ITPR2: variants seen among roughly 807,000 people sequenced by gnomAD.
ITPR2 encodes inositol 1,4,5-trisphosphate-gated calcium channel ITPR2.
ITPR2 carries 207 observed loss-of-function variants against 317.1 expected under a neutral mutation model. That is an observed-to-expected ratio of 0.65 (90% confidence interval 0.58 to 0.73). The LOEUF (loss-of-function observed/expected upper bound fraction) is 0.73. ITPR2 is among the 30% of genes least tolerant of loss of function. The pLI, the probability that ITPR2 is intolerant of heterozygous loss-of-function variation, is 0.00. For missense variants in ITPR2, 2,613 were observed against 3,284.0 expected (o/e 0.80, Z 4.99); for synonymous variants, 1,156 against 1,149.1 (o/e 1.01, Z -0.12).
chr12:26,377,241 C>A (rs1269573245), intron 55 of ITPR2, among the ~76,000 whole-genome samples: 2 of 152,172 alleles, frequency 1.3e-5, no homozygotes, highest in African/African-American at 4.8e-5. Context: ...TAGGCTCTGG[C>A]AGACTCCACT....
chr12:26,441,733 A>G (rs78740142), intron 46 of ITPR2, among the ~76,000 whole-genome samples: 519 of 152,130 alleles, frequency 3.4e-3, no homozygotes, highest in South Asian at 6.0e-3. Flanking sequence ...TGAACAAATA[A>G]TCTTCTTCTA....
At chr12:26,362,130 C>G (rs971281423) in intron 55 of ITPR2, among the ~76,000 whole-genome samples, 1 of 152,110 alleles carries the variant, frequency 6.6e-6, no homozygotes, top group South Asian at 2.1e-4. Flanking sequence ...TGCTGTATTC[C>G]CAGGCTTCAA....
intron 50 of ITPR2, 54 bp from the exon 51 acceptor site, chr12:26,415,552 G>A: frequency 1.6e-6 from 2 of 1,226,902 alleles, no homozygotes; most frequent in Non-Finnish European, 2.2e-6. Flanking sequence ...AGGAAAAGGT[G>A]AACAAACAAA....
chr12:26,718,277 C>A (rs979033774), intron 5 of ITPR2, among the ~76,000 whole-genome samples: 3 of 151,908 alleles, frequency 2.0e-5, no homozygotes, highest in Non-Finnish European at 4.4e-5. Context: ...CTTCCAATTT[C>A]TTAAAGAACA....
At chr12:26,762,850 G>T (rs1482128242) in intron 2 of ITPR2, among the ~76,000 whole-genome samples, 1 of 151,962 alleles carries the variant, frequency 6.6e-6, no homozygotes, top group African/African-American at 2.4e-5. Context: ...TACAAAATTA[G>T]AAGTTCAACA....
chr12:26,460,417 G>T (rs1941988940), intron 45 of ITPR2, among the ~76,000 whole-genome samples: 1 of 152,190 alleles, frequency 6.6e-6, no homozygotes, highest in African/African-American at 2.4e-5. Context: ...ATGTGTATAA[G>T]TGGCAGAGGT....
At chr12:26,384,798 C>T (rs910396036) in intron 55 of ITPR2, among the ~76,000 whole-genome samples, 1 of 152,298 alleles carries the variant, frequency 6.6e-6, no homozygotes, top group Admixed American at 6.5e-5. Flanking sequence ...TAGATATACT[C>T]CTGTTCCTGG....
chr12:26,772,868 T>C (rs1317977197), intron 2 of ITPR2, among the ~76,000 whole-genome samples: 1 of 152,062 alleles, frequency 6.6e-6, no homozygotes, highest in Non-Finnish European at 1.5e-5. Context: ...AAGCCCCGCA[T>C]GCATTAGGTA....
chr12:26,608,512 C>G (rs546575022), intron 26 of ITPR2, among the ~76,000 whole-genome samples: 1 of 131,226 alleles, frequency 7.6e-6, no homozygotes, highest in Non-Finnish European at 1.8e-5. Context: ...AGTGAGGAAC[C>G]CCTCTGCTTG....
chr12:26,810,743 T>C (rs1950721738), intron 1 of ITPR2, among the ~76,000 whole-genome samples: 1 of 152,260 alleles, frequency 6.6e-6, no homozygotes, highest in South Asian at 2.1e-4. Flanking sequence ...GACACATAAC[T>C]GTGTTTAGTA....
intron 4 of ITPR2, 67 bp downstream of exon 4, chr12:26,724,589 G>T: frequency 1.1e-6 from 1 of 948,256 alleles, no homozygotes; most frequent in African/African-American, 1.6e-5. Flanking sequence ...ACGCAGTTTG[G>T]CTTTCCTGCC....
intron 37 of ITPR2, among the ~76,000 whole-genome samples, chr12:26,539,769 C>T (rs1271030101): frequency 6.6e-6 from 1 of 152,192 alleles, no homozygotes; most frequent in Non-Finnish European, 1.5e-5. Context: ...TCTCTGCTGC[C>T]CACCCAAGTT....
intron 40 of ITPR2, chr12:26,486,681 G>GATTT (rs984887996): frequency 1.1e-5 from 6 of 522,670 alleles, no homozygotes; most frequent in Non-Finnish European, 2.2e-5. Context: ...ATGTCTTTAT[G>GATTT]ATTTGTATTT....
At chr12:26,550,209 A>T (rs1025907224) in intron 37 of ITPR2, 38 bp downstream of exon 37, 1 of 838,284 alleles carries the variant, frequency 1.2e-6, no homozygotes, top group Non-Finnish European at 1.9e-6. Flanking sequence ...GGGAAATCCT[A>T]CTTTATTTTT....
intron 2 of ITPR2, among the ~76,000 whole-genome samples, chr12:26,753,304 T>G (rs1213802450): frequency 6.6e-6 from 1 of 152,206 alleles, no homozygotes; most frequent in Non-Finnish European, 1.5e-5. Context: ...TTTGACACTA[T>G]GGGATGTTAA....
At chr12:26,775,959 T>TATATATATATATATACACACATA (rs1263788006) in intron 2 of ITPR2, among the ~76,000 whole-genome samples, 7 of 145,156 alleles carry the variant, frequency 4.8e-5, no homozygotes, top group Non-Finnish European at 7.7e-5. Flanking sequence ...TATATGTATA[T>TATATATATATATATACACACATA]CCTATTAGTT....
At chr12:26,771,593 C>T (rs774078039) in intron 2 of ITPR2, among the ~76,000 whole-genome samples, 4 of 152,216 alleles carry the variant, frequency 2.6e-5, no homozygotes, top group Non-Finnish European at 5.9e-5. Flanking sequence ...CGGCTCACTG[C>T]AAGCTCTGCC....
chr12:26,376,732 T>A (rs1464243591), intron 55 of ITPR2, among the ~76,000 whole-genome samples: 1 of 151,894 alleles, frequency 6.6e-6, no homozygotes, highest in Non-Finnish European at 1.5e-5. Flanking sequence ...CCTTTCTTTC[T>A]CTTTCTCTCT....
intron 54 of ITPR2, among the ~76,000 whole-genome samples, chr12:26,397,714 A>C (rs1236799558): frequency 6.6e-6 from 1 of 152,104 alleles, no homozygotes; most frequent in Non-Finnish European, 1.5e-5. Context: ...ACACTCAACA[A>C]AAGTTGAAGC....
Sources: allele counts gnomAD v4.1 joint callset (sites outside exome capture counted in the v4.1 genomes callset), GRCh38; gene constraint gnomAD v4.1.1; transcripts MANE v1.5; gene names NCBI Gene and HGNC (gene_info 2026-07-23, HGNC 2026-07-21).